Variants in NDEL1 observed in about 807,000 individuals in gnomAD.
NDEL1 encodes the protein nuclear distribution protein nudE-like 1.
NDEL1 carries 9 observed loss-of-function variants against 45.7 expected under a neutral mutation model. The observed-to-expected ratio is 0.20, with a 90% confidence interval of 0.12 to 0.34. The LOEUF is 0.34. NDEL1 is among the 10% of genes least tolerant of loss of function. NDEL1 has a pLI of 1.00. For missense variants in NDEL1, 306 were observed against 406.2 expected (o/e 0.75, Z 2.12); for synonymous variants, 133 against 158.6 (o/e 0.84, Z 1.21).
intron 1 of NDEL1, among the ~76,000 whole-genome samples, chr17:8,438,035 T>G (rs907102286): frequency 1.3e-5 from 2 of 152,174 alleles, no homozygotes; most frequent in Non-Finnish European, 2.9e-5. Flanking sequence ...CTCGGCTCAC[T>G]GCAACCTCCA....
Position 8,447,843 on chromosome 17 carries a change from C to T in NDEL1, c.390-707C>T, listed in dbSNP as rs555336897. 4.6e-5 allele frequency among the ~76,000 whole-genome samples: 7 copies of T among 152,118 alleles called. No homozygotes were observed. In the South Asian group the frequency reaches 6.2e-4, roughly 14 times the overall value. On this transcript the variant is annotated intron_variant, in intron 4 of 8. Coordinates refer to ENST00000334527, the MANE Select transcript of NDEL1 (RefSeq NM_030808.5). ...TGACATGATGCTAAACTTACAGATG[C>T]GGAGCTAGTCTGGTCACTACCCTTG... is the stretch of plus-strand genomic sequence containing the variant.
intron 6 of NDEL1, among the ~76,000 whole-genome samples, chr17:8,451,895 C>T (rs1011746679): frequency 3.3e-5 from 5 of 152,144 alleles, no homozygotes; most frequent in Non-Finnish European, 5.9e-5. Context: ...CTGTGCTACT[C>T]AATAGTCACC....
chr17:8,418,792 CTTTT>C (rs1908634190), intron 1 of NDEL1, among the ~76,000 whole-genome samples: 1 of 129,136 alleles, frequency 7.7e-6, no homozygotes, highest in African/African-American at 2.8e-5. Flanking sequence ...TCCTTTCTTT[CTTTT>C]CTTTTCCTTT....
intron 8 of NDEL1, chr17:8,461,167 A>C (rs1266981471): frequency 1.3e-5 from 2 of 152,128 alleles, no homozygotes; most frequent in Admixed American, 1.3e-4. Context: ...AAACGCTCAC[A>C]ATCTCTGAAA....
intron 1 of NDEL1, among the ~76,000 whole-genome samples, chr17:8,421,210 T>C (rs1908697428): frequency 1.3e-5 from 2 of 152,114 alleles, no homozygotes; most frequent in Admixed American, 1.3e-4. Context: ...AAACAGCAAA[T>C]AATGTGCAGG....
intron 1 of NDEL1, among the ~76,000 whole-genome samples, chr17:8,420,974 G>A (rs1908692993): frequency 6.6e-6 from 1 of 152,146 alleles, no homozygotes; most frequent in African/African-American, 2.4e-5. Context: ...CTAAGTGATG[G>A]TCTGTGTACT....
chr17:8,466,239 C>T (rs1044766137), intron 8 of NDEL1: 2 of 151,932 alleles, frequency 1.3e-5, no homozygotes, highest in Non-Finnish European at 1.5e-5. Flanking sequence ...AGAAAAGTAA[C>T]GATTCTTAAA....
intron 1 of NDEL1, among the ~76,000 whole-genome samples, chr17:8,429,218 G>A (rs2151698629): frequency 6.6e-6 from 1 of 152,236 alleles, no homozygotes; most frequent in East Asian, 1.9e-4. Flanking sequence ...TTTCCAGAAT[G>A]TTCTGTCAGT....
chr17:8,415,429 T>TTTATTTATTTA (rs1185331509), intron 1 of NDEL1, among the ~76,000 whole-genome samples: 1 of 151,014 alleles, frequency 6.6e-6, no homozygotes, highest in African/African-American at 2.4e-5. Flanking sequence ...AGTTTTAACA[T>TTTATTTATTTA]TTATTTATTT....
At chr17:8,444,640 T>C (rs577645650) in intron 2 of NDEL1, 9 of 284,462 alleles carry the variant, frequency 3.2e-5, no homozygotes, top group African/African-American at 1.6e-4. Flanking sequence ...GGGCCATCTT[T>C]GGCCCGTTTT....
intron 8 of NDEL1, among the ~76,000 whole-genome samples, chr17:8,462,316 T>C (rs1294850554): frequency 6.6e-6 from 1 of 152,154 alleles, no homozygotes. Context: ...ATATGATAAG[T>C]GGATTGTGTA....
intron 1 of NDEL1, among the ~76,000 whole-genome samples, chr17:8,418,254 G>C (rs1388163521): frequency 6.6e-6 from 1 of 152,072 alleles, no homozygotes; most frequent in Admixed American, 6.6e-5. Context: ...TTTTTGGTGG[G>C]ATTTCAAGAG....
chr17:8,450,025 G>C (rs1235270138), intron 5 of NDEL1, among the ~76,000 whole-genome samples: 1 of 152,226 alleles, frequency 6.6e-6, no homozygotes, highest in Non-Finnish European at 1.5e-5. Flanking sequence ...GCTCACGCCT[G>C]TAATTCTAGC....
At chr17:8,472,878 G>T (rs1911897068), downstream of NDEL1, among the ~76,000 whole-genome samples, 1 of 152,182 alleles carries the variant, frequency 6.6e-6, no homozygotes, top group African/African-American at 2.4e-5. Flanking sequence ...AGTCTTGCCT[G>T]AGTTCCTCCT....
chr17:8,447,161 G>T (rs865949287), intron 4 of NDEL1, among the ~76,000 whole-genome samples: 5 of 151,748 alleles, frequency 3.3e-5, no homozygotes, highest in Non-Finnish European at 7.4e-5. Context: ...TTTGTTTTTT[G>T]AGACAGGGTC....
At chr17:8,428,716 C>T (rs900828656) in intron 1 of NDEL1, among the ~76,000 whole-genome samples, 1 of 151,438 alleles carries the variant, frequency 6.6e-6, no homozygotes, top group Non-Finnish European at 1.5e-5. Context: ...CTCTTTCACC[C>T]AGGCCAGACT....
At chr17:8,433,743 T>G (rs1909075731), upstream of NDEL1, among the ~76,000 whole-genome samples, 1 of 152,202 alleles carries the variant, frequency 6.6e-6, no homozygotes, top group Non-Finnish European at 1.5e-5. Flanking sequence ...CTCGAACTTC[T>G]GGGCTCAAGT....
At chr17:8,419,105 C>A (rs1305273529) in intron 1 of NDEL1, among the ~76,000 whole-genome samples, 2 of 152,086 alleles carry the variant, frequency 1.3e-5, no homozygotes, top group African/African-American at 4.8e-5. Context: ...CTGCCTGGGG[C>A]TCTCAGAGTG....
At chr17:8,433,221 G>C (rs553824788), upstream of NDEL1, among the ~76,000 whole-genome samples, 1 of 152,342 alleles carries the variant, frequency 6.6e-6, no homozygotes, top group South Asian at 2.1e-4. Context: ...TGGGTGGAAA[G>C]TTAGCTCAAC....
Sources: gnomAD v4.1 joint callset for allele counts (sites outside exome capture counted in the v4.1 genomes callset) on GRCh38, gnomAD v4.1.1 for gene constraint, MANE v1.5 for transcripts, NCBI Gene and HGNC (gene_info 2026-07-23, HGNC 2026-07-21) for gene names.